Variants in GOLGA3 observed in about 807,000 individuals in gnomAD.
GOLGA3 encodes the protein golgin A3, also known as golgin subfamily A member 3.
GOLGA3 carries 75 observed loss-of-function variants against 169.4 expected under a neutral mutation model. The observed-to-expected ratio is 0.44, with a 90% CI of 0.37 to 0.54. The LOEUF (loss-of-function observed/expected upper bound fraction) is 0.54. GOLGA3 is among the 20% of genes least tolerant of loss of function. The probability of loss-of-function intolerance (pLI) is 0.00; values close to 1 mark genes in which losing one functional copy is unlikely to be tolerated. For missense variants in GOLGA3, 1,899 were observed against 1,930.0 expected, an observed-to-expected ratio of 0.98 and a Z score of 0.30; for synonymous variants, 824 against 822.4, an observed-to-expected ratio of 1.00 and a Z score of -0.03.
rs183402121 is a variant in GOLGA3, at chr12:132,803,028, C to T, written c.1598-1059G>A. On this transcript the variant is annotated intron_variant, in intron 7 of 23. Transcript: ENST00000450791. ...CAAGATGGCGCCATTGCACTCCAGCCTGGGCAACAAGAGTGAAACTCCGTC... is the reference window on the plus strand; with the variant it reads ...CAAGATGGCGCCATTGCACTCCAGCTTGGGCAACAAGAGTGAAACTCCGTC... 1.6e-3 allele frequency among the ~76,000 whole-genome samples: 248 copies of T among 152,156 alleles called. 1 individual carries two copies. Among genetic ancestry groups the T allele is most frequent in the African/African-American group, 5.8e-3 (241 of 41,498 alleles).
intron 23 of GOLGA3, 103 bp downstream of exon 23, chr12:132,774,054 A>T: frequency 8.9e-7 from 1 of 1,117,960 alleles, no homozygotes; most frequent in Non-Finnish European, 1.3e-6. Flanking sequence ...AAACCTGCTG[A>T]AACTCTGCTG....
At chr12:132,815,259 T>A (rs1233583433) in intron 3 of GOLGA3, among the ~76,000 whole-genome samples, 2 of 152,054 alleles carry the variant, frequency 1.3e-5, no homozygotes, top group East Asian at 3.9e-4. Flanking sequence ...GTCGGCAAAA[T>A]AAGCAGGGTT....
At chr12:132,797,407 GAGT>G (rs763997961) in intron 9 of GOLGA3, among the ~76,000 whole-genome samples, 2 of 152,022 alleles carry the variant, frequency 1.3e-5, no homozygotes, top group African/African-American at 2.4e-5. Flanking sequence ...CAAGGCTATC[GAGT>G]AGGTGACACT....
chr12:132,780,574 G>A (rs376026994), intron 18 of GOLGA3, among the ~76,000 whole-genome samples: 20 of 152,318 alleles, frequency 1.3e-4, no homozygotes, highest in South Asian at 4.1e-4. Context: ...ACATGCACGC[G>A]GAGCTCATTG....
At chr12:132,779,033 C>A (rs2045403480) in intron 18 of GOLGA3, among the ~76,000 whole-genome samples, 1 of 152,222 alleles carries the variant, frequency 6.6e-6, no homozygotes, top group African/African-American at 2.4e-5. Context: ...GCGGATGAGG[C>A]CTGTGGGGCC....
rs1479741198 is a variant in GOLGA3, at chr12:132,804,417, G to GA, written c.1597+298dup. Among the ~76,000 whole-genome samples the GA allele has an allele frequency of 2.6e-5, 4 of 152,316 alleles. No homozygotes were observed. The East Asian group carries it at 7.7e-4, about 29-fold the overall frequency. On this transcript the variant is annotated intron_variant, in intron 7 of 23. Transcript: ENST00000450791. This position sits in a 1 kb window ranked among gnomAD's most constrained non-coding sequence, Gnocchi z 4.1. ...TCAACTAAAACTTGTATTTCCTTTA[G>GA]AAAAGCAGCCTCCTTATGTGTAAAC...
intron 7 of GOLGA3, among the ~76,000 whole-genome samples, chr12:132,802,995 C>T (rs946476857): frequency 5.3e-5 from 8 of 152,104 alleles, no homozygotes; most frequent in Non-Finnish European, 7.4e-5. Context: ...GCAGAGGTTG[C>T]GGTGAGCCAA....
At chr12:132,800,882 C>G (rs566136873) in intron 8 of GOLGA3, among the ~76,000 whole-genome samples, 8 of 152,276 alleles carry the variant, frequency 5.3e-5, no homozygotes, top group Non-Finnish European at 8.8e-5. Flanking sequence ...TAGCTTGAGT[C>G]TGAGAGGTTG....
At chr12:132,823,553 A>T (rs1950299026) in intron 1 of GOLGA3, among the ~76,000 whole-genome samples, 1 of 152,246 alleles carries the variant, frequency 6.6e-6, no homozygotes, top group East Asian at 1.9e-4. Flanking sequence ...TGGGAGGCCA[A>T]GGCGGGCGGA....
chr12:132,798,205 G>A (rs976944803), intron 9 of GOLGA3, 135 bp downstream of exon 9: 10 of 646,470 alleles, frequency 1.5e-5, no homozygotes, highest in African/African-American at 2.0e-5. Context: ...AAGCCTTAAC[G>A]AGCAGTCACT....
intron 9 of GOLGA3, 38 bp from the exon 10 acceptor site, chr12:132,796,738 C>T: frequency 1.2e-6 from 2 of 1,602,256 alleles, no homozygotes. Flanking sequence ...AGGCAGGAAA[C>T]CTTAATAGTG....
intron 15 of GOLGA3, among the ~76,000 whole-genome samples, chr12:132,784,871 CAA>C (rs767455296): frequency 1.7e-4 from 26 of 151,850 alleles, no homozygotes; most frequent in Non-Finnish European, 3.5e-4. Flanking sequence ...ACCATGCACA[CAA>C]ACACTCCACA....
chr12:132,776,309 G>T (rs541167104), intron 21 of GOLGA3, among the ~76,000 whole-genome samples: 2,081 of 100,528 alleles, frequency 0.021, no homozygotes, highest in African/African-American at 0.038. Flanking sequence ...CAGCGCCTCA[G>T]ATACAGGTAC....
At chr12:132,798,595 C>T (rs541567711) in intron 8 of GOLGA3, 118 bp from the exon 9 acceptor site, 19 of 836,916 alleles carry the variant, frequency 2.3e-5, no homozygotes, top group African/African-American at 3.4e-5. Context: ...GTGTCTCCCA[C>T]GCAAGCCCCA....
At chr12:132,786,024 C>T (rs896409427) in intron 15 of GOLGA3, among the ~76,000 whole-genome samples, 4 of 152,246 alleles carry the variant, frequency 2.6e-5, no homozygotes, top group Non-Finnish European at 5.9e-5. Flanking sequence ...GCAGCTGGAA[C>T]GCGAGCGGAC....
intron 9 of GOLGA3, among the ~76,000 whole-genome samples, 180 bp from the exon 10 acceptor site, chr12:132,796,880 G>A (rs1948867195): frequency 6.6e-6 from 1 of 152,238 alleles, no homozygotes; most frequent in Non-Finnish European, 1.5e-5. Context: ...CCCCCAACCA[G>A]GAGACCGAGG....
intron 11 of GOLGA3, among the ~76,000 whole-genome samples, chr12:132,794,221 G>GC (rs1206482471): frequency 6.6e-6 from 1 of 152,068 alleles, no homozygotes; most frequent in Admixed American, 6.6e-5. Context: ...CCTAGGGAAT[G>GC]CAGTGGCTCA....
At chr12:132,801,055 C>T (rs1391583772) in intron 8 of GOLGA3, among the ~76,000 whole-genome samples, 2 of 152,348 alleles carry the variant, frequency 1.3e-5, no homozygotes, top group South Asian at 2.1e-4. Flanking sequence ...AGACTCGGAT[C>T]GAGGTTCACT....
intron 1 of GOLGA3, among the ~76,000 whole-genome samples, chr12:132,823,099 G>T (rs972225722): frequency 7.9e-5 from 12 of 152,182 alleles, no homozygotes; most frequent in African/African-American, 2.9e-4. Flanking sequence ...CTCTATACAG[G>T]GTGTACAAGG....
Sources: gnomAD v4.1 joint callset for allele counts (sites outside exome capture counted in the v4.1 genomes callset) on GRCh38, gnomAD v4.1.1 for gene constraint, Gnocchi (gnomAD v3.1) non-coding constraint, MANE v1.5 for transcripts, NCBI Gene and HGNC (gene_info 2026-07-23, HGNC 2026-07-21) for gene names.